Variants in CD53 observed in about 807,000 individuals in gnomAD.
CD53 encodes leukocyte surface antigen CD53.
Under a neutral mutation model 27.3 loss-of-function variants are expected in CD53, and 20 were observed. The observed-to-expected ratio is 0.73, with a 90% CI of 0.52 to 1.07. CD53 has a LOEUF of 1.07. Among genes scored for constraint, CD53 ranks in the 50% least tolerant of loss-of-function variants. CD53 has a pLI of 0.00. For missense variants in CD53, 216 were observed against 264.0 expected (o/e 0.82, Z 1.26); for synonymous variants, 106 against 105.3 (o/e 1.01, Z -0.04).
In CD53 at chr1:110,895,054, T is replaced by A; in HGVS notation, c.422T>A (p.Phe141Tyr). The A allele has an allele frequency of 1.2e-6, 2 of 1,606,898 alleles. No individual in the cohort carries two copies. The highest frequency in any genetic ancestry group is 1.7e-6 in the Non-Finnish European group (2 of 1,173,486). Residue 141 changes from phenylalanine to tyrosine, a missense_variant and splice_region_variant, in exon 5 of 8, where the codon TTT (phenylalanine) becomes TAT (tyrosine). Physicochemically the swap from Phe to Tyr is conservative, Grantham distance 22. Coordinates refer to ENST00000271324, the MANE Select transcript of CD53 (RefSeq NM_000560.4). ...TKAAWDSIQS[F>Y]LQCCGINGTS... ...GCAGCGTGGGACTCCATCCAGTCAT[T>A]TGTGAGTACAGGTGGAATCCTCTTC...
rs907545019 is a variant in CD53, at chr1:110,896,065, CTATT to C, written c.424-584_424-581del. On this transcript the variant is annotated intron_variant, in intron 5 of 7. Transcript: ENST00000271324. The stretch of plus-strand genomic sequence containing the variant: ...GTTTATATTTGAATGATAGGTCTCT[CTATT>C]TATCTTTTAATCTATAATAGTACAC... Among the ~76,000 whole-genome samples the C allele has an allele frequency of 4.0e-4, 61 of 152,288 alleles. 1 individual carries two copies. The highest frequency in any genetic ancestry group is 3.7e-3 in the Admixed American group (57 of 15,292).
At chr1:110,889,113 AT>A (rs34408445) in intron 1 of CD53, among the ~76,000 whole-genome samples, 97,542 of 151,966 alleles carry the variant, frequency 0.64, 33,297 homozygotes, top group Non-Finnish European at 0.77. Flanking sequence ...AGTTAATTTA[AT>A]TTTTTTAAAA....
chr1:110,891,267 C>T, intron 1 of CD53, 125 bp from the exon 2 acceptor site: 3 of 682,694 alleles, frequency 4.4e-6, no homozygotes, highest in Non-Finnish European at 5.2e-6. Flanking sequence ...TTTGGGGAAA[C>T]TTTCCAGAGG....
chr1:110,885,795 C>T (rs1330383671), intron 1 of CD53, among the ~76,000 whole-genome samples: 9 of 151,224 alleles, frequency 6.0e-5, no homozygotes, highest in Non-Finnish European at 1.3e-4. Flanking sequence ...ACCTGAGAGG[C>T]GGAGGTTGCA....
At chr1:110,879,963 A>T (rs926944814) in intron 1 of CD53, among the ~76,000 whole-genome samples, 1 of 152,172 alleles carries the variant, frequency 6.6e-6, no homozygotes, top group Middle Eastern at 3.2e-3. Flanking sequence ...TACAGGTCAA[A>T]AAAAAGACAG....
intron 3 of CD53, 104 bp downstream of exon 3, chr1:110,892,637 A>T: frequency 2.1e-6 from 2 of 953,318 alleles, no homozygotes; most frequent in Non-Finnish European, 3.2e-6. Context: ...GAAAGATCAT[A>T]GGAAAATGAG....
chr1:110,885,504 C>T (rs538178619), intron 1 of CD53, among the ~76,000 whole-genome samples: 1 of 152,038 alleles, frequency 6.6e-6, no homozygotes, highest in African/African-American at 2.4e-5. Context: ...CGCCACTGCA[C>T]TCCAGCCTGG....
At position 110,899,497 on chromosome 1, in the gene CD53, A is replaced by T. The variant is rs1233044071; in HGVS notation, c.*302A>T. On this transcript the variant is annotated 3_prime_UTR_variant, in exon 8 of 8. Coordinates refer to ENST00000271324, the MANE Select transcript of CD53 (RefSeq NM_000560.4). ...ACTGGATTTAATGGCCCAACATCAA[A>T]GGGTGAACCCAGGATATGAATTTTT... The T allele has an allele frequency of 1.1e-5, 3 of 272,728 alleles. No individual in the cohort carries two copies. The East Asian group carries it at 2.7e-4, about 25-fold the overall frequency. 16.9% of individuals were successfully genotyped at this position (272,728 alleles called of 1,614,324 possible). A position where few individuals can be genotyped will look rare whatever the true frequency, so the allele number is the denominator to read the frequency against.
At chr1:110,894,201 CGGCCTG>C in intron 3 of CD53, 120 bp from the exon 4 acceptor site, 1 of 748,328 alleles carries the variant, frequency 1.3e-6, no homozygotes, top group East Asian at 2.5e-5. Flanking sequence ...AGGCTTACAA[CGGCCTG>C]AGGAGGCAGA....
At chr1:110,890,283 C>T (rs1055094224) in intron 1 of CD53, among the ~76,000 whole-genome samples, 4 of 152,200 alleles carry the variant, frequency 2.6e-5, no homozygotes, top group African/African-American at 9.6e-5. Flanking sequence ...ATTCAAAATT[C>T]TGGCCAGGTG....
At chr1:110,886,992 C>T (rs1656646863) in intron 1 of CD53, among the ~76,000 whole-genome samples, 1 of 151,154 alleles carries the variant, frequency 6.6e-6, no homozygotes, top group Non-Finnish European at 1.5e-5. Flanking sequence ...TTTCATGTCA[C>T]ACATTGTAGT....
At chr1:110,878,187 CTTAG>C (rs1656199866) in intron 1 of CD53, among the ~76,000 whole-genome samples, 1 of 152,186 alleles carries the variant, frequency 6.6e-6, no homozygotes, top group Non-Finnish European at 1.5e-5. Flanking sequence ...TTATGAGGAA[CTTAG>C]TTATTTTGTG....
chr1:110,882,167 G>A (rs1656381521), intron 1 of CD53, among the ~76,000 whole-genome samples: 1 of 152,100 alleles, frequency 6.6e-6, no homozygotes, highest in Non-Finnish European at 1.5e-5. Context: ...TCTTATCTGA[G>A]AACTCTTTGC....
rs1379435399 is a variant in CD53 at position 110,899,380 on chromosome 1, A to G, written c.*185A>G. 1.7e-5 allele frequency: 9 copies of G among 525,282 alleles called. No individual in the cohort carries two copies. The highest frequency in any genetic ancestry group is 9.8e-5 in the East Asian group (3 of 30,586). The allele number at this position is 525,282 out of a possible 1,614,324, so 32.5% of individuals were successfully genotyped here. A position where few individuals can be genotyped will look rare whatever the true frequency, so the allele number is the denominator to read the frequency against. On this transcript the variant is annotated 3_prime_UTR_variant, in exon 8 of 8. Coordinates refer to ENST00000271324, the MANE Select transcript of CD53 (RefSeq NM_000560.4). ...GGCACATCCCATCTCAGGCAGCAAG[A>G]CAATCTTTCACTCACTGACGGCAGC...
chr1:110,872,136 T>C (rs1655987346), upstream of CD53, among the ~76,000 whole-genome samples: 1 of 152,212 alleles, frequency 6.6e-6, no homozygotes, highest in Non-Finnish European at 1.5e-5. Context: ...AGTGATTGCT[T>C]CCAAGTTTCA....
intron 1 of CD53, chr1:110,880,107 T>A (rs1656296726): frequency 6.6e-6 from 1 of 152,218 alleles, no homozygotes; most frequent in Non-Finnish European, 1.5e-5. Context: ...TCACGCAGGT[T>A]TCCTGGAAAC....
Position 110,899,303 on chromosome 1 carries a change from T to A in CD53, c.*108T>A. 1.3e-6 allele frequency: 1 copy of A among 765,956 alleles called. No homozygotes were observed. The highest frequency in any genetic ancestry group is 2.2e-6 in the Non-Finnish European group (1 of 457,546). The allele number at this position is 765,956 out of a possible 1,614,324, so 47.4% of individuals were successfully genotyped here. A position where few individuals can be genotyped will look rare whatever the true frequency, so the allele number is the denominator to read the frequency against. On this transcript the variant is annotated 3_prime_UTR_variant, in exon 8 of 8. Transcript: ENST00000271324. Reference sequence around the variant, plus strand: ...CTGCAGGATGATCCTCCTCCCATCCTTTCCCTTTTTAGGTCCCTGTCTTAT... The same window carrying A: ...CTGCAGGATGATCCTCCTCCCATCCATTCCCTTTTTAGGTCCCTGTCTTAT...
intron 1 of CD53, among the ~76,000 whole-genome samples, chr1:110,887,280 C>T (rs12126989): frequency 2.6e-5 from 4 of 151,740 alleles, no homozygotes; most frequent in Non-Finnish European, 5.9e-5. Flanking sequence ...TAGCCAGGAT[C>T]GTCTCGATCT....
Position 110,895,011 on chromosome 1 carries a change from T to C in CD53, c.379T>C (p.Ser127Pro), listed in dbSNP as rs1657003429. 1.2e-6 allele frequency: 2 copies of C among 1,614,064 alleles called. No individual in the cohort carries two copies. The highest frequency in any genetic ancestry group is 1.7e-6 in the Non-Finnish European group (2 of 1,179,940). Residue 127 changes from serine (S) to proline (P), a missense_variant, in exon 5 of 8, where the codon TCA (serine) becomes CCA (proline). Transcript: ENST00000271324. ...GACCGACAGCATCCACCGTTACCAC[T>C]CAGACAATAGCACCAAGGCAGCGTG... Reference protein sequence around the residue: ...GLTDSIHRYHSDNSTKAAWDS... With the variant: ...GLTDSIHRYHPDNSTKAAWDS...
Sources: allele counts gnomAD v4.1 joint callset (sites outside exome capture counted in the v4.1 genomes callset), GRCh38; gene constraint gnomAD v4.1.1; transcripts MANE v1.5; gene names NCBI Gene and HGNC (gene_info 2026-07-23, HGNC 2026-07-21).